RIMS2: variants seen among roughly 807,000 people sequenced by gnomAD.
RIMS2 encodes regulating synaptic membrane exocytosis protein 2.
Under a neutral mutation model 174.4 loss-of-function variants are expected in RIMS2, and 59 were observed. The ratio of observed to expected loss-of-function variants is 0.34; its 90% confidence interval spans 0.27 to 0.42. The LOEUF is 0.42. Ranked by LOEUF, RIMS2 falls within the 10% of genes least tolerant of loss-of-function variation. The pLI is 1.00. For missense variants in RIMS2, 1,620 were observed against 1,666.3 expected (o/e 0.97, Z 0.48); for synonymous variants, 606 against 572.5 (o/e 1.06, Z -0.84).
chr8:104,211,793 C>A (rs578179023), intron 19 of RIMS2, among the ~76,000 whole-genome samples: 1 of 152,172 alleles, frequency 6.6e-6, no homozygotes, highest in East Asian at 1.9e-4. Context: ...GGATTACAGG[C>A]GTGAGCCACC....
At position 103,740,050 on chromosome 8, in the gene RIMS2, C is replaced by T. The variant is rs534418254; in HGVS notation, c.388-26177C>T. Among the ~76,000 whole-genome samples the T allele has an allele frequency of 9.2e-5, 14 of 152,248 alleles. No homozygotes were observed. The South Asian group carries it at 2.9e-3, about 32-fold the overall frequency. On this transcript the variant is annotated intron_variant, in intron 2 of 23. Transcript: ENST00000504942. Reference sequence around the variant, plus strand: ...CCAGAGAGAATATCCACCCTTTGTACTTTAATTTAGAGTGGACGGGAAATG... The same window carrying T: ...CCAGAGAGAATATCCACCCTTTGTATTTTAATTTAGAGTGGACGGGAAATG...
intron 4 of RIMS2, among the ~76,000 whole-genome samples, chr8:103,894,673 G>A (rs916335433): frequency 6.6e-6 from 1 of 151,462 alleles, no homozygotes; most frequent in African/African-American, 2.4e-5. Context: ...CCCTAATTAA[G>A]TGAAATGTTA....
chr8:103,648,348 A>C (rs2135744745), intron 1 of RIMS2, among the ~76,000 whole-genome samples: 1 of 152,158 alleles, frequency 6.6e-6, no homozygotes, highest in South Asian at 2.1e-4. Context: ...TTATGTGATA[A>C]ATTTTAGTCA....
At chr8:104,111,568 C>T (rs1046744467) in intron 19 of RIMS2, among the ~76,000 whole-genome samples, 9 of 152,036 alleles carry the variant, frequency 5.9e-5, no homozygotes, top group Non-Finnish European at 1.0e-4. Context: ...CCACCACGTC[C>T]GGCTACTTTT....
chr8:103,848,926 G>C (rs890556772), intron 3 of RIMS2, among the ~76,000 whole-genome samples: 3 of 152,004 alleles, frequency 2.0e-5, no homozygotes, highest in African/African-American at 7.2e-5. Flanking sequence ...ATGCTAGAGA[G>C]GCCTTTTGAC....
intron 19 of RIMS2, among the ~76,000 whole-genome samples, chr8:104,098,941 A>T (rs2097812109): frequency 6.6e-6 from 1 of 152,196 alleles, no homozygotes; most frequent in South Asian, 2.1e-4. Flanking sequence ...AAATACCAGC[A>T]TTGTCATCCT....
chr8:103,936,786 C>T, intron 13 of RIMS2, 64 bp downstream of exon 15: 1 of 1,248,644 alleles, frequency 8.0e-7, no homozygotes, highest in Non-Finnish European at 1.1e-6. Flanking sequence ...ATTTATATAA[C>T]TGTCAGTATA....
intron 1 of RIMS2, among the ~76,000 whole-genome samples, chr8:103,534,730 A>G (rs1259159208): frequency 1.3e-5 from 2 of 152,206 alleles, no homozygotes; most frequent in Non-Finnish European, 2.9e-5. Context: ...AGAGAATTCC[A>G]TTATTCTCAT....
chr8:103,887,707 A>C (rs1205460619), intron 4 of RIMS2, among the ~76,000 whole-genome samples: 1 of 151,600 alleles, frequency 6.6e-6, no homozygotes, highest in Non-Finnish European at 1.5e-5. Context: ...GTATGAAATG[A>C]TTATGGAATC....
intron 19 of RIMS2, among the ~76,000 whole-genome samples, chr8:104,193,965 G>T (rs940821577): frequency 6.6e-5 from 10 of 152,030 alleles, no homozygotes; most frequent in African/African-American, 2.4e-4. Flanking sequence ...AATGTGATGG[G>T]GTAAAATCTG....
chr8:103,597,811 A>G (rs1385625381), intron 1 of RIMS2, among the ~76,000 whole-genome samples: 1 of 152,122 alleles, frequency 6.6e-6, no homozygotes, highest in African/African-American at 2.4e-5. Flanking sequence ...TCATCTGTAT[A>G]TAATAGTGTT....
At chr8:103,569,713 C>T (rs1406089345) in intron 1 of RIMS2, among the ~76,000 whole-genome samples, 6 of 151,808 alleles carry the variant, frequency 4.0e-5, no homozygotes, top group Admixed American at 1.3e-4. Context: ...AAATCCTGGG[C>T]TCAAACAATC....
rs570239681 is a variant in RIMS2, at chr8:103,663,446, T to C, written c.177-33640T>C. 2.0e-5 allele frequency among the ~76,000 whole-genome samples: 3 copies of C among 152,290 alleles called. No homozygotes were observed. In the East Asian group the frequency reaches 5.8e-4, roughly 29 times the overall value. Reference sequence around the variant, plus strand: ...AAGCAAATTTAGCAAAGTCTCAGGATACAAAATCAATGTGCAAAAATCACA... The same window carrying C: ...AAGCAAATTTAGCAAAGTCTCAGGACACAAAATCAATGTGCAAAAATCACA... On this transcript the variant is annotated intron_variant, in intron 1 of 23. Transcript: ENST00000504942.
chr8:104,095,017 A>G (rs1465277709), intron 19 of RIMS2, among the ~76,000 whole-genome samples: 2 of 152,114 alleles, frequency 1.3e-5, no homozygotes, highest in African/African-American at 4.8e-5. Flanking sequence ...AACATGAATT[A>G]CTGTATATCT....
intron 20 of RIMS2, among the ~76,000 whole-genome samples, chr8:104,246,549 A>G (rs1281564491): frequency 6.6e-6 from 1 of 152,200 alleles, no homozygotes; most frequent in Admixed American, 6.5e-5. Context: ...ATGTATATAA[A>G]AGAAAAACTA....
chr8:104,161,826 T>C (rs1411629825), intron 19 of RIMS2, among the ~76,000 whole-genome samples: 1 of 152,234 alleles, frequency 6.6e-6, no homozygotes, highest in Non-Finnish European at 1.5e-5. Flanking sequence ...CATTCAGTTG[T>C]TGGCGGAGCT....
chr8:104,086,849 G>A (rs1329526013), intron 19 of RIMS2, among the ~76,000 whole-genome samples: 1 of 152,020 alleles, frequency 6.6e-6, no homozygotes, highest in Non-Finnish European at 1.5e-5. Flanking sequence ...AATATTTATT[G>A]TCCCTTACTC....
chr8:103,966,056 T>C (rs1297399275), intron 15 of RIMS2, among the ~76,000 whole-genome samples: 2 of 152,172 alleles, frequency 1.3e-5, no homozygotes, highest in Admixed American at 6.5e-5. Flanking sequence ...ATTACATTGA[T>C]AATTTTTGCA....
intron 1 of RIMS2, among the ~76,000 whole-genome samples, chr8:103,653,002 A>T (rs1157479288): frequency 2.0e-5 from 3 of 152,146 alleles, no homozygotes; most frequent in Non-Finnish European, 4.4e-5. Context: ...ATATAACTAG[A>T]GTGTGTTTCT....
Sources: gnomAD v4.1 joint callset for allele counts (sites outside exome capture counted in the v4.1 genomes callset) on GRCh38, gnomAD v4.1.1 for gene constraint, MANE v1.5 for transcripts, NCBI Gene and HGNC (gene_info 2026-07-23, HGNC 2026-07-21) for gene names.